STK3: variants seen among roughly 807,000 people sequenced by gnomAD.
The protein encoded by STK3 is serine/threonine-protein kinase 3.
Under a neutral mutation model 58.0 loss-of-function variants are expected in STK3, and 41 were observed. The ratio of observed to expected loss-of-function variants is 0.71; its 90% CI spans 0.55 to 0.92. STK3 has a LOEUF of 0.92. Ranked by LOEUF, STK3 falls within the 40% of genes least tolerant of loss-of-function variation. The probability of loss-of-function intolerance (pLI) is 0.00; values close to 1 mark genes in which losing one functional copy is unlikely to be tolerated. For synonymous variants in STK3, 170 were observed against 191.0 expected, an observed-to-expected ratio of 0.89 and a Z score of 0.91; for missense variants, 479 against 602.7, an observed-to-expected ratio of 0.79 and a Z score of 2.15.
At chr8:98,715,415 T>A (rs1344691406) in intron 4 of STK3, among the ~76,000 whole-genome samples, 20 of 150,670 alleles carry the variant, frequency 1.3e-4, no homozygotes, top group African/African-American at 3.4e-4. Context: ...GAATCTACAA[T>A]GAACTCAAAC....
chr8:98,623,284 T>C (rs1818463500), intron 6 of STK3, among the ~76,000 whole-genome samples: 1 of 152,190 alleles, frequency 6.6e-6, no homozygotes, highest in African/African-American at 2.4e-5. Context: ...TATTGACTGT[T>C]ACGGACTGAA....
intron 10 of STK3, among the ~76,000 whole-genome samples, chr8:98,473,265 T>C (rs1344627899): frequency 1.3e-5 from 2 of 152,156 alleles, no homozygotes; most frequent in South Asian, 2.1e-4. Flanking sequence ...TGAATTCGCA[T>C]ACCTGCCTCC....
chr8:98,883,940 G>A (rs1042408933), intron 1 of STK3: 2 of 514,364 alleles, frequency 3.9e-6, no homozygotes, highest in African/African-American at 3.8e-5. Context: ...TTGGGAACAG[G>A]GAGGGGAGAG....
chr8:98,348,095 A>G, the STK3 span, among the ~76,000 whole-genome samples: 1 of 152,246 alleles, frequency 6.6e-6, no homozygotes, highest in Non-Finnish European at 1.5e-5. Context: ...GAGCTCATAA[A>G]TAGACCCTCA....
intron 7 of STK3, among the ~76,000 whole-genome samples, chr8:98,590,429 A>C (rs1483448086): frequency 6.6e-6 from 1 of 152,280 alleles, no homozygotes; most frequent in Non-Finnish European, 1.5e-5. Context: ...AGATCTGGGA[A>C]GGAGTCAGAG....
intron 6 of STK3, among the ~76,000 whole-genome samples, chr8:98,660,943 C>T (rs1317246388): frequency 6.6e-6 from 1 of 151,270 alleles, no homozygotes; most frequent in African/African-American, 2.5e-5. Context: ...TGCTAGCAGA[C>T]CTGCCCTGCA....
At chr8:98,602,727 T>C (rs1816454353) in intron 6 of STK3, among the ~76,000 whole-genome samples, 1 of 152,120 alleles carries the variant, frequency 6.6e-6, no homozygotes, top group South Asian at 2.1e-4. Flanking sequence ...GTAAGAATTT[T>C]AAAAAGGCTT....
chr8:98,351,691 A>G, the STK3 span, among the ~76,000 whole-genome samples: 1 of 152,192 alleles, frequency 6.6e-6, no homozygotes, highest in Non-Finnish European at 1.5e-5. Flanking sequence ...AGGTCTAGAA[A>G]CAATGATCAA....
intron 6 of STK3, among the ~76,000 whole-genome samples, chr8:98,676,724 A>G (rs1185439770): frequency 1.3e-5 from 2 of 152,224 alleles, no homozygotes; most frequent in African/African-American, 2.4e-5. Flanking sequence ...GCTGTACAAC[A>G]GTGTAAATGT....
At chr8:98,665,503 T>C (rs1167365619) in intron 6 of STK3, among the ~76,000 whole-genome samples, 1 of 151,956 alleles carries the variant, frequency 6.6e-6, no homozygotes, top group Non-Finnish European at 1.5e-5. Context: ...GCTCAAGCAA[T>C]CCTCCCACAT....
the STK3 span, among the ~76,000 whole-genome samples, chr8:98,352,136 C>CAAAAAAAAAAAAAAAAAA: frequency 9.1e-6 from 1 of 110,458 alleles, no homozygotes; most frequent in Non-Finnish European, 1.8e-5. Context: ...GACTCTGTCT[C>CAAAAAAAAAAAAAAAAAA]AAAAAAAAAA....
At position 98,491,350 on chromosome 8, in the gene STK3, C is replaced by T. The variant is rs1050365286; in HGVS notation, c.1318-35350G>A. 6.6e-5 allele frequency among the ~76,000 whole-genome samples: 10 copies of T among 151,986 alleles called. No individual in the cohort carries two copies. The East Asian group carries it at 1.5e-3, about 23-fold the overall frequency. ...CTTGTCTATATAGATTTAAATTTAG[C>T]GATGAGTATAAAAACATTTTCATTT... On this transcript the variant is annotated intron_variant, in intron 10 of 10. Coordinates refer to ENST00000419617, the MANE Select transcript of STK3 (RefSeq NM_006281.4).
intron 6 of STK3, among the ~76,000 whole-genome samples, chr8:98,607,748 C>T (rs772793513): frequency 6.6e-6 from 1 of 152,108 alleles, no homozygotes. Flanking sequence ...GATTTGGATA[C>T]TCAACAGACA....
intron 3 of STK3, among the ~76,000 whole-genome samples, chr8:98,766,596 G>A (rs2131441028): frequency 6.6e-6 from 1 of 151,950 alleles, no homozygotes; most frequent in African/African-American, 2.4e-5. Flanking sequence ...TTTCTTTTTT[G>A]GTAGAGAAAG....
At chr8:98,417,620 G>A (rs891129541) in intron 3 of STK3, among the ~76,000 whole-genome samples, 4 of 152,104 alleles carry the variant, frequency 2.6e-5, no homozygotes, top group Admixed American at 6.6e-5. Context: ...CTGTGAACAC[G>A]GTACTCAACC....
chr8:98,564,388 C>T (rs1292164216), intron 8 of STK3, among the ~76,000 whole-genome samples: 1 of 152,000 alleles, frequency 6.6e-6, no homozygotes, highest in African/African-American at 2.4e-5. Context: ...ATATACATAC[C>T]ATGTGAAATT....
downstream of STK3, among the ~76,000 whole-genome samples, chr8:98,401,189 T>C (rs973561815): frequency 6.6e-6 from 1 of 151,746 alleles, no homozygotes; most frequent in African/African-American, 2.4e-5. Flanking sequence ...CACATAGAGA[T>C]GGAGAGAAAT....
intron 6 of STK3, among the ~76,000 whole-genome samples, chr8:98,703,533 G>T (rs982891272): frequency 6.6e-6 from 1 of 151,938 alleles, no homozygotes; most frequent in Non-Finnish European, 1.5e-5. Context: ...ATCTGTTTAG[G>T]GTAGGGCTCC....
At chr8:98,734,413 C>T (rs182244679) in intron 4 of STK3, among the ~76,000 whole-genome samples, 17 of 152,238 alleles carry the variant, frequency 1.1e-4, no homozygotes, top group Admixed American at 7.8e-4. Flanking sequence ...GGGTTCATGC[C>T]GTTTCTCCTA....
Sources: allele counts gnomAD v4.1 joint callset (sites outside exome capture counted in the v4.1 genomes callset), GRCh38; gene constraint gnomAD v4.1.1; transcripts MANE v1.5; gene names NCBI Gene and HGNC (gene_info 2026-07-23, HGNC 2026-07-21).